Variants in TOMM70 observed in about 807,000 individuals in gnomAD.
The protein encoded by TOMM70 is mitochondrial import receptor subunit TOM70.
In TOMM70, 13 loss-of-function variants were observed where a neutral mutation model predicts 73.6. The observed-to-expected ratio is 0.18, with a 90% confidence interval of 0.11 to 0.28. TOMM70 has a LOEUF of 0.28. Among genes scored for constraint, TOMM70 ranks in the 10% least tolerant of loss-of-function variants. The probability of loss-of-function intolerance (pLI) is 1.00; values close to 1 mark genes in which losing one functional copy is unlikely to be tolerated. For synonymous variants in TOMM70, 257 were observed against 271.2 expected (o/e 0.95, Z 0.51); for missense variants, 609 against 747.5 (o/e 0.81, Z 2.16).
At chr3:100,390,360 C>T (rs1283483715) in intron 1 of TOMM70, among the ~76,000 whole-genome samples, 1 of 152,142 alleles carries the variant, frequency 6.6e-6, no homozygotes, top group Non-Finnish European at 1.5e-5. Context: ...CACCACATAA[C>T]AATGTTTTAG....
intron 6 of TOMM70, among the ~76,000 whole-genome samples, chr3:100,376,850 A>G (rs1318321143): frequency 6.6e-6 from 1 of 152,220 alleles, no homozygotes; most frequent in African/African-American, 2.4e-5. Context: ...ACATACATAT[A>G]GAACAAATAA....
chr3:100,376,369 G>GTTTTTTTTTTTTTTGTTTTTTTTTT (rs761190084), intron 6 of TOMM70, among the ~76,000 whole-genome samples: 1 of 121,768 alleles, frequency 8.2e-6, no homozygotes, highest in Admixed American at 8.0e-5. Flanking sequence ...TCACACAGAA[G>GTTTTTTTTTTTTTTGTTTTTTTTTT]TTTTTTTTTT....
At chr3:100,385,970 G>C (rs996938111) in intron 3 of TOMM70, among the ~76,000 whole-genome samples, 1 of 152,122 alleles carries the variant, frequency 6.6e-6, no homozygotes, top group Admixed American at 6.6e-5. Context: ...CTCATTAGCT[G>C]CTAAGTTTAA....
At chr3:100,395,818 C>T (rs1706819951) in intron 1 of TOMM70, among the ~76,000 whole-genome samples, 1 of 152,130 alleles carries the variant, frequency 6.6e-6, no homozygotes, top group Non-Finnish European at 1.5e-5. Context: ...CAGTCTCAGC[C>T]TTCACAGATT....
At chr3:100,369,621 C>T (rs1167695614) in intron 9 of TOMM70, among the ~76,000 whole-genome samples, 2 of 152,038 alleles carry the variant, frequency 1.3e-5, no homozygotes, top group African/African-American at 4.8e-5. Flanking sequence ...CTGCCTCAGC[C>T]TCCTGAGTAG....
At chr3:100,372,869 G>A in intron 8 of TOMM70, 147 bp from the exon 9 acceptor site, 1 of 673,850 alleles carries the variant, frequency 1.5e-6, no homozygotes, top group East Asian at 2.7e-5. Flanking sequence ...TTCCAAGTAG[G>A]TATCTCAGCA....
At chr3:100,388,268 C>T (rs1706716593) in intron 1 of TOMM70, among the ~76,000 whole-genome samples, 1 of 152,048 alleles carries the variant, frequency 6.6e-6, no homozygotes, top group African/African-American at 2.4e-5. Context: ...ACTAGGAATC[C>T]CTTATGTAGT....
At chr3:100,368,545 T>C (rs1457597665) in intron 10 of TOMM70, among the ~76,000 whole-genome samples, 1 of 152,178 alleles carries the variant, frequency 6.6e-6, no homozygotes, top group Non-Finnish European at 1.5e-5. Flanking sequence ...TTAAAACCCT[T>C]AACACAGAGC....
intron 6 of TOMM70, among the ~76,000 whole-genome samples, chr3:100,376,892 T>C (rs1309339633): frequency 6.6e-6 from 1 of 152,130 alleles, no homozygotes; most frequent in Non-Finnish European, 1.5e-5. Context: ...CAAAAACATA[T>C]AACATATATC....
chr3:100,388,566 C>A (rs554752239), intron 1 of TOMM70, among the ~76,000 whole-genome samples: 1 of 152,060 alleles, frequency 6.6e-6, no homozygotes. Flanking sequence ...TTAAAAGAGA[C>A]AAATGACAGT....
chr3:100,386,412 C>T, intron 2 of TOMM70, 68 bp from the exon 3 acceptor site: 3 of 1,458,694 alleles, frequency 2.1e-6, no homozygotes, highest in Middle Eastern at 2.0e-4. Flanking sequence ...TCAGTTTAAA[C>T]TTGATAGGTT....
chr3:100,377,517 A>G, intron 6 of TOMM70, 188 bp downstream of exon 6: 1 of 603,242 alleles, frequency 1.7e-6, no homozygotes, highest in South Asian at 2.2e-5. Context: ...AAATAAAGAT[A>G]AATATCATTG....
intron 5 of TOMM70, among the ~76,000 whole-genome samples, chr3:100,378,616 G>C (rs1235827189): frequency 6.6e-6 from 1 of 152,184 alleles, no homozygotes; most frequent in African/African-American, 2.4e-5. Context: ...CTCAACAGTT[G>C]TTTAATGGCT....
chr3:100,373,459 G>T, intron 8 of TOMM70, 79 bp downstream of exon 8: 1 of 1,159,674 alleles, frequency 8.6e-7, no homozygotes, highest in Non-Finnish European at 1.2e-6. Context: ...CGACTTTGTA[G>T]ACAATGAGAT....
In TOMM70 at chr3:100,378,140, G is replaced by A. The variant is rs142656057; in HGVS notation, c.885-228C>T. Among the ~76,000 whole-genome samples, 584 of 152,182 alleles carry A rather than the reference G, an allele frequency of 3.8e-3. 3 individuals carry two copies. Among genetic ancestry groups the A allele is most frequent in the South Asian group, 7.9e-3 (38 of 4,816 alleles). ...ATGCCTGTATCCCAGATACTTAGGA[G>A]GCTGAGGCAGGAGAATCGCTTGAAC... On this transcript the variant is annotated intron_variant, in intron 5 of 11. Coordinates refer to ENST00000284320, the MANE Select transcript of TOMM70 (RefSeq NM_014820.5).
At chr3:100,386,525 A>C (rs1203939510) in intron 2 of TOMM70, among the ~76,000 whole-genome samples, 181 bp from the exon 3 acceptor site, 2 of 152,222 alleles carry the variant, frequency 1.3e-5, no homozygotes, top group Non-Finnish European at 2.9e-5. Context: ...TTAAAGAAAT[A>C]GCCTCAAACT....
At chr3:100,400,282 C>T (rs1706877703) in intron 1 of TOMM70, among the ~76,000 whole-genome samples, 1 of 152,116 alleles carries the variant, frequency 6.6e-6, no homozygotes, top group South Asian at 2.1e-4. Context: ...CACGATGTAC[C>T]AATTGTTAAT....
chr3:100,397,255 C>G (rs143871222), intron 1 of TOMM70, among the ~76,000 whole-genome samples: 1 of 152,200 alleles, frequency 6.6e-6, no homozygotes, highest in East Asian at 1.9e-4. Flanking sequence ...AATTACTGAT[C>G]AATTAATTAC....
At chr3:100,376,368 A>AGTTTTTT (rs973038245) in intron 6 of TOMM70, among the ~76,000 whole-genome samples, 4 of 107,920 alleles carry the variant, frequency 3.7e-5, no homozygotes, top group African/African-American at 2.5e-4. Flanking sequence ...TTCACACAGA[A>AGTTTTTT]GTTTTTTTTT....
Sources: gnomAD v4.1 joint callset for allele counts (sites outside exome capture counted in the v4.1 genomes callset) on GRCh38, gnomAD v4.1.1 for gene constraint, MANE v1.5 for transcripts, NCBI Gene and HGNC (gene_info 2026-07-23, HGNC 2026-07-21) for gene names.